Variants in ORC1 observed in about 807,000 individuals in gnomAD.
ORC1 encodes the protein origin recognition complex subunit 1, also known as origin recognition complex, subunit 1 homolog.
Under a neutral mutation model 98.9 loss-of-function variants are expected in ORC1, and 61 were observed. That is an observed-to-expected ratio of 0.62 (90% confidence interval 0.50 to 0.76). The LOEUF (loss-of-function observed/expected upper bound fraction) is 0.76. Ranked by LOEUF, ORC1 falls within the 30% of genes least tolerant of loss-of-function variation. The pLI is 0.00. For synonymous variants in ORC1, 385 were observed against 406.9 expected, an observed-to-expected ratio of 0.95 and a Z score of 0.65; for missense variants, 979 against 1,072.2, an observed-to-expected ratio of 0.91 and a Z score of 1.21.
chr1:52,388,666 C>CTCAGTGT (rs1647175442), intron 7 of ORC1, 29 bp from the exon 8 acceptor site: 1 of 1,578,956 alleles, frequency 6.3e-7, no homozygotes, highest in African/African-American at 1.3e-5. Context: ...TTTTTTGATA[C>CTCAGTGT]TCAGTGTTCA....
Position 52,400,797 on chromosome 1 carries a change from G to A in ORC1, c.223+565C>T, listed in dbSNP as rs115977695. On this transcript the variant is annotated intron_variant, in intron 3 of 16. Transcript: ENST00000371568. ...TCCCTTTTGTTCCTCCAGCCTAGGG[G>A]CAGCCGTGGCTTCCTGCACTTACTC... is the stretch of plus-strand genomic sequence containing the variant. Among the ~76,000 whole-genome samples, 542 of 152,284 alleles carry A rather than the reference G, an allele frequency of 3.6e-3. 7 individuals carry two copies. The highest frequency in any genetic ancestry group is 0.034 in the South Asian group (163 of 4,830).
upstream of ORC1, among the ~76,000 whole-genome samples, chr1:52,408,030 TGGGCAAC>T (rs1460002622): frequency 6.6e-6 from 1 of 152,226 alleles, no homozygotes; most frequent in Non-Finnish European, 1.5e-5. Flanking sequence ...CACTCCAGCC[TGGGCAAC>T]AGAGCAAGAT....
chr1:52,373,222 C>T lies in ORC1; in HGVS notation c.2545G>A (p.Val849Ile), dbSNP rs1395831670. The T allele has an allele frequency of 4.3e-6, 7 of 1,614,090 alleles. No homozygotes were observed. The highest frequency in any genetic ancestry group is 4.0e-5 in the African/African-American group (3 of 74,928). ...GCATACAGCACATCATCCTGGCTGA[C>T]GTTGAGCCGCACCCGAAGGAGCAGA... ...NDLLLRVRLN[V>I]SQDDVLYALK... Residue 849 changes from valine (V) to isoleucine (I), a missense_variant, in exon 17 of 17, where the codon GTC becomes ATC. Coordinates refer to ENST00000371568, the MANE Select transcript of ORC1 (RefSeq NM_004153.4).
chr1:52,397,897 G>A, intron 3 of ORC1, 34 bp from the exon 4 acceptor site: 1 of 1,589,212 alleles, frequency 6.3e-7, no homozygotes, highest in Non-Finnish European at 8.6e-7. Flanking sequence ...GAAAGGTTAA[G>A]ACAACTCAAG....
upstream of ORC1, among the ~76,000 whole-genome samples, chr1:52,407,625 A>G (rs966525676): frequency 2.6e-5 from 4 of 152,212 alleles, no homozygotes; most frequent in Non-Finnish European, 5.9e-5. Context: ...TTTCTGTTTT[A>G]AAATTCAATA....
At chr1:52,392,234 A>G (rs1279984826) in intron 6 of ORC1, among the ~76,000 whole-genome samples, 2 of 151,876 alleles carry the variant, frequency 1.3e-5, no homozygotes, top group East Asian at 3.9e-4. Context: ...GGTTCACAGC[A>G]TTCTCCTGCC....
rs1013032581 is a variant in ORC1, at chr1:52,404,414, A to C, written c.-174T>G. 1 of 211,040 alleles carries C rather than the reference A, an allele frequency of 4.7e-6. No homozygotes were observed. The highest frequency in any genetic ancestry group is 9.8e-6 in the Non-Finnish European group (1 of 101,872). 13.1% of individuals were successfully genotyped at this position (211,040 alleles called of 1,614,324 possible). A position where few individuals can be genotyped will look rare whatever the true frequency, so the allele number is the denominator to read the frequency against. ...GTGTGTCTCACTAGAAATGAAAAGA[A>C]GGTGGAAGGAGAAAAGAAAACTTCG... On this transcript the variant is annotated 5_prime_UTR_variant, in exon 1 of 17. Transcript: ENST00000371568.
chr1:52,379,018 G>A (rs954797008), intron 14 of ORC1, among the ~76,000 whole-genome samples: 6 of 151,866 alleles, frequency 4.0e-5, no homozygotes, highest in Admixed American at 3.9e-4. Flanking sequence ...GGGCGACAGA[G>A]CGAGACTCCG....
At chr1:52,398,378 C>T (rs1328454983) in intron 3 of ORC1, among the ~76,000 whole-genome samples, 1 of 151,938 alleles carries the variant, frequency 6.6e-6, no homozygotes, top group Non-Finnish European at 1.5e-5. Flanking sequence ...ATTCTCCTGG[C>T]TCAACCTCCC....
At chr1:52,396,504 A>T in intron 4 of ORC1, 140 bp from the exon 5 acceptor site, 1 of 955,864 alleles carries the variant, frequency 1.0e-6, no homozygotes, top group South Asian at 1.4e-5. Flanking sequence ...AGACGCATAG[A>T]CATGGCATAG....
In ORC1 at chr1:52,385,280, C is replaced by T. The variant is rs367740707; in HGVS notation, c.1482-18G>A. ...CATGCAGCCTACCATTGGTGGTAAA[C>T]GGGAGAAAAGGAAGACTTTAGGAAC... On this transcript the variant is annotated intron_variant, in intron 9 of 16. Transcript: ENST00000371568. 137 of 1,527,766 alleles carry T rather than the reference C, an allele frequency of 9.0e-5. No homozygotes were observed. The African/African-American group carries it at 1.1e-3, about 12-fold the overall frequency. The allele number at this position is 1,527,766 out of a possible 1,614,324, so 94.6% of individuals were successfully genotyped here.
chr1:52,381,726 A>C lies in ORC1; in HGVS notation c.2049T>G (p.Tyr683Ter). The change falls in exon 14 of 17, where the codon TAT becomes TAG. Residue 683 changes from tyrosine to a stop codon, truncating the protein, a stop_gained. Transcript: ENST00000371568. LOFTEE classifies it high-confidence loss of function. ...LTRMCFQPYT[Y>*]SQLQQILRSR... is the part of the protein sequence containing the mutation. ...ACCTTAGGATCTGCTGCAGCTGGCT[A>C]TATGTATAGGGCTGGAAGCACATCC... 6.2e-7 allele frequency: 1 copy of C among 1,613,520 alleles called. No individual in the cohort carries two copies. The highest frequency in any genetic ancestry group is 8.5e-7 in the Non-Finnish European group (1 of 1,179,686).
chr1:52,407,269 G>A (rs577575874), upstream of ORC1, among the ~76,000 whole-genome samples: 5 of 152,120 alleles, frequency 3.3e-5, no homozygotes, highest in Admixed American at 6.5e-5. Flanking sequence ...CACCTGCCTC[G>A]CCTCCCAAAG....
chr1:52,399,611 G>T (rs6666024), intron 3 of ORC1, among the ~76,000 whole-genome samples: 1 of 121,572 alleles, frequency 8.2e-6, no homozygotes, highest in South Asian at 2.8e-4. Context: ...GCGACACAGC[G>T]AGACTCTGTC....
Position 52,375,503 on chromosome 1 carries a change from C to CA in ORC1, c.2229dup (p.Gly744TrpfsTer14). On this transcript the variant is annotated frameshift_variant, in exon 15 of 17. Coordinates refer to ENST00000371568, the MANE Select transcript of ORC1 (RefSeq NM_004153.4). LOFTEE classifies it high-confidence loss of function. ...ATTGAGTGGGCTATGGTGACCAGGC[C>CA]AGGGGAGTCAGGCTTCTGCTGGGAG... The CA allele has an allele frequency of 6.2e-7, 1 of 1,614,142 alleles. No individual in the cohort carries two copies. The highest frequency in any genetic ancestry group is 8.5e-7 in the Non-Finnish European group (1 of 1,180,004).
chr1:52,396,491 T>G, intron 4 of ORC1, 127 bp from the exon 5 acceptor site: 1 of 1,090,280 alleles, frequency 9.2e-7, no homozygotes, highest in Non-Finnish European at 1.4e-6. Context: ...CTTTCCAATC[T>G]AAAGACGCAT....
upstream of ORC1, chr1:52,408,560 GTC>G (rs1557591623): frequency 2.5e-6 from 4 of 1,614,022 alleles, no homozygotes; most frequent in South Asian, 1.1e-5. Flanking sequence ...ACTGTCATCT[GTC>G]TCTCAGGTAT....
intron 6 of ORC1, 109 bp from the exon 7 acceptor site, chr1:52,389,430 A>G (rs537321241): frequency 1.1e-4 from 86 of 758,562 alleles, no homozygotes; most frequent in African/African-American, 1.1e-3. Context: ...CTTTTTATAT[A>G]TACTTTGAAA....
intron 14 of ORC1, among the ~76,000 whole-genome samples, chr1:52,377,055 T>C (rs1647003933): frequency 6.6e-6 from 1 of 152,120 alleles, no homozygotes; most frequent in Non-Finnish European, 1.5e-5. Context: ...AGAGTTTCAC[T>C]CTTGATGCCC....
Sources: allele counts gnomAD v4.1 joint callset (sites outside exome capture counted in the v4.1 genomes callset), GRCh38; gene constraint gnomAD v4.1.1; transcripts MANE v1.5; gene names NCBI Gene and HGNC (gene_info 2026-07-23, HGNC 2026-07-21).